The following CLVS1 variants were observed in gnomAD, a reference collection of about 807,000 sequenced individuals.
CLVS1 encodes clavesin-1.
CLVS1 carries 10 observed loss-of-function variants against 33.1 expected under a neutral mutation model. That is an observed-to-expected ratio of 0.30 (90% confidence interval 0.19 to 0.51). The LOEUF is 0.51. Among genes scored for constraint, CLVS1 ranks in the 20% least tolerant of loss-of-function variants. The pLI is 0.97. For missense variants in CLVS1, 343 were observed against 433.4 expected (o/e 0.79, Z 1.85); for synonymous variants, 163 against 166.1 (o/e 0.98, Z 0.14).
At chr8:61,139,155 G>A (rs187332877) in intron 2 of CLVS1, among the ~76,000 whole-genome samples, 4 of 152,178 alleles carry the variant, frequency 2.6e-5, no homozygotes, top group African/African-American at 9.6e-5. Context: ...CAAAACGCAC[G>A]CGGGCAGTGA....
chr8:61,070,885 A>T (rs992463804), intron 1 of CLVS1, among the ~76,000 whole-genome samples: 2 of 152,222 alleles, frequency 1.3e-5, no homozygotes, highest in Non-Finnish European at 2.9e-5. Flanking sequence ...AGCACCTATG[A>T]GTCTCAAACA....
Position 61,478,209 on chromosome 8 carries a change from C to T in CLVS1, c.977+19667C>T, listed in dbSNP as rs539581997. 2.4e-3 allele frequency among the ~76,000 whole-genome samples: 361 copies of T among 152,282 alleles called. 1 individual carries two copies. Among genetic ancestry groups the T allele is most frequent in the African/African-American group, 7.9e-3 (329 of 41,560 alleles). ...GTTTGTTATAATTTCTGTTCTTTTA[C>T]ATTTGCTGAGGAGTGCTGTACTTCC... On this transcript the variant is annotated intron_variant, in intron 5 of 5. Transcript: ENST00000325897.
intron 2 of CLVS1, among the ~76,000 whole-genome samples, chr8:61,269,980 C>A (rs1024799240): frequency 6.7e-6 from 1 of 148,686 alleles, no homozygotes; most frequent in African/African-American, 2.5e-5. Flanking sequence ...TTGACTTCCT[C>A]TTTTCCTAAT....
intron 2 of CLVS1, among the ~76,000 whole-genome samples, chr8:61,152,010 C>T (rs568288099): frequency 3.9e-5 from 6 of 152,168 alleles, no homozygotes; most frequent in African/African-American, 1.4e-4. Flanking sequence ...TGCCCCCCGC[C>T]CCCAGCTTTC....
chr8:61,282,357 G>A (rs573443274), intron 2 of CLVS1, among the ~76,000 whole-genome samples: 114 of 152,258 alleles, frequency 7.5e-4, no homozygotes, highest in African/African-American at 2.3e-3. Context: ...GTAGAAGCAG[G>A]GGAAATGGTT....
At chr8:61,217,104 C>T (rs1175238872) in intron 2 of CLVS1, among the ~76,000 whole-genome samples, 1 of 152,052 alleles carries the variant, frequency 6.6e-6, no homozygotes, top group Non-Finnish European at 1.5e-5. Context: ...TTTTCATTAT[C>T]CTTTCTGAGA....
chr8:61,268,156 T>A (rs1414033423), intron 2 of CLVS1, among the ~76,000 whole-genome samples: 3 of 122,412 alleles, frequency 2.5e-5, no homozygotes, highest in African/African-American at 3.1e-5. Flanking sequence ...CCCAGTGCTA[T>A]CCCACCCCCC....
chr8:61,154,395 CA>C (rs1298353212), intron 2 of CLVS1, among the ~76,000 whole-genome samples: 1 of 151,978 alleles, frequency 6.6e-6, no homozygotes, highest in Non-Finnish European at 1.5e-5. Context: ...ATTCAAAAAT[CA>C]GAAACAATCA....
chr8:61,102,862 A>AG (rs1342908467), intron 1 of CLVS1, among the ~76,000 whole-genome samples: 2 of 152,174 alleles, frequency 1.3e-5, no homozygotes, highest in African/African-American at 4.8e-5. Context: ...GAGGAGAAGG[A>AG]AAAGGATAGA....
intron 3 of CLVS1, among the ~76,000 whole-genome samples, chr8:61,450,300 G>A (rs774790584): frequency 6.6e-6 from 1 of 152,060 alleles, no homozygotes; most frequent in Non-Finnish European, 1.5e-5. Context: ...CAAATAATAA[G>A]TTTTTTAAAA....
intron 1 of CLVS1, among the ~76,000 whole-genome samples, chr8:61,096,579 T>A: frequency 6.6e-6 from 1 of 152,098 alleles, no homozygotes; most frequent in East Asian, 1.9e-4. Flanking sequence ...CTGGAGAAAA[T>A]AATTTGCGAG....
chr8:61,166,634 T>TA (rs750298176), intron 2 of CLVS1, among the ~76,000 whole-genome samples: 65 of 152,276 alleles, frequency 4.3e-4, no homozygotes, highest in Admixed American at 1.2e-3. Flanking sequence ...TTTTGATTAG[T>TA]AATTACCCTA....
At chr8:61,090,988 G>GC (rs35220668) in intron 1 of CLVS1, 250,703 of 478,412 alleles carry the variant, frequency 0.52, 66,411 homozygotes, top group Middle Eastern at 0.58. Flanking sequence ...AATGACCCAT[G>GC]CCCCCCCACC....
chr8:61,289,236 T>C (rs1809887002), intron 1 of CLVS1, among the ~76,000 whole-genome samples: 1 of 152,212 alleles, frequency 6.6e-6, no homozygotes, highest in Non-Finnish European at 1.5e-5. Context: ...GGTAATAGAA[T>C]GCAAAAATTG....
chr8:61,411,518 C>T (rs113368678), intron 3 of CLVS1, among the ~76,000 whole-genome samples: 1 of 152,186 alleles, frequency 6.6e-6, no homozygotes, highest in South Asian at 2.1e-4. Context: ...AAATTAAACA[C>T]ACAGGAAGAA....
intron 2 of CLVS1, among the ~76,000 whole-genome samples, chr8:61,161,802 G>A (rs184506158): frequency 1.0e-3 from 157 of 152,132 alleles, no homozygotes; most frequent in African/African-American, 3.7e-3. Flanking sequence ...TGTTCTCATC[G>A]CAAAAAAATA....
intron 3 of CLVS1, among the ~76,000 whole-genome samples, chr8:61,379,051 A>C (rs1366445038): frequency 6.6e-6 from 1 of 152,190 alleles, no homozygotes; most frequent in African/African-American, 2.4e-5. Flanking sequence ...TGCAGCCAGC[A>C]TCAATGAGAG....
intron 1 of CLVS1, among the ~76,000 whole-genome samples, chr8:61,085,771 C>T (rs1805109677): frequency 6.6e-6 from 1 of 151,360 alleles, no homozygotes; most frequent in African/African-American, 2.4e-5. Context: ...CCTGTAATCC[C>T]AGCACTCTTT....
chr8:60,989,448 T>A, the CLVS1 span, among the ~76,000 whole-genome samples: 2 of 152,226 alleles, frequency 1.3e-5, no homozygotes, highest in East Asian at 3.9e-4. Flanking sequence ...AAGTGCAGAT[T>A]CTTAACAGAG....
Sources: allele counts gnomAD v4.1 joint callset (sites outside exome capture counted in the v4.1 genomes callset), GRCh38; gene constraint gnomAD v4.1.1; transcripts MANE v1.5; gene names NCBI Gene and HGNC (gene_info 2026-07-23, HGNC 2026-07-21).